The following AGBL4 variants were observed in gnomAD, a reference collection of about 807,000 sequenced individuals.
The protein encoded by AGBL4 is cytosolic carboxypeptidase 6.
Under a neutral mutation model 66.4 loss-of-function variants are expected in AGBL4, and 58 were observed. That is an observed-to-expected ratio of 0.87 (90% CI 0.71 to 1.09). The LOEUF (loss-of-function observed/expected upper bound fraction) is 1.09, where lower values mean the gene tolerates loss of function less well. AGBL4 is among the 50% of genes least tolerant of loss of function. The pLI, the probability that AGBL4 is intolerant of heterozygous loss-of-function variation, is 0.00. For synonymous variants in AGBL4, 234 were observed against 222.9 expected (o/e 1.05, Z -0.44); for missense variants, 579 against 631.0 (o/e 0.92, Z 0.88).
chr1:49,264,950 ACT>A (rs1382108344), intron 3 of AGBL4, among the ~76,000 whole-genome samples: 1 of 152,088 alleles, frequency 6.6e-6, no homozygotes, highest in Non-Finnish European at 1.5e-5. Flanking sequence ...TTTCAATCAC[ACT>A]CAGTGATCTT....
chr1:49,592,263 TA>T (rs554936642), intron 3 of AGBL4, among the ~76,000 whole-genome samples: 3 of 151,842 alleles, frequency 2.0e-5, no homozygotes, highest in Non-Finnish European at 4.4e-5. Flanking sequence ...ACAACTCTAT[TA>T]AAAAATAGGC....
At chr1:49,399,765 A>G (rs1460092784) in intron 3 of AGBL4, among the ~76,000 whole-genome samples, 1 of 152,036 alleles carries the variant, frequency 6.6e-6, no homozygotes, top group Non-Finnish European at 1.5e-5. Flanking sequence ...TCAGATGGGT[A>G]GTTGAAAAAT....
chr1:48,580,582 T>A (rs1644724951), intron 11 of AGBL4, among the ~76,000 whole-genome samples: 1 of 152,200 alleles, frequency 6.6e-6, no homozygotes, highest in Non-Finnish European at 1.5e-5. Context: ...GACTGTTTTG[T>A]GACTAGAATT....
At chr1:49,001,657 G>A (rs576977135) in intron 5 of AGBL4, among the ~76,000 whole-genome samples, 2 of 152,182 alleles carry the variant, frequency 1.3e-5, no homozygotes, top group South Asian at 2.1e-4. Flanking sequence ...TCTCACTGCC[G>A]TGGTGCTTCC....
At chr1:48,540,558 T>TA (rs1382889284) in intron 11 of AGBL4, among the ~76,000 whole-genome samples, 1 of 152,156 alleles carries the variant, frequency 6.6e-6, no homozygotes, top group Admixed American at 6.5e-5. Context: ...CCCTCCAGGA[T>TA]ATTCTTCTCC....
At chr1:48,766,065 A>T (rs1644513874) in intron 6 of AGBL4, among the ~76,000 whole-genome samples, 1 of 152,220 alleles carries the variant, frequency 6.6e-6, no homozygotes, top group Admixed American at 6.5e-5. Flanking sequence ...AATGGTTAAA[A>T]TGGTAAAATT....
At chr1:48,531,030 AT>A (rs895438703), downstream of AGBL4, among the ~76,000 whole-genome samples, 4 of 152,140 alleles carry the variant, frequency 2.6e-5, no homozygotes, top group Admixed American at 2.0e-4. Flanking sequence ...GGTCATAGGT[AT>A]AACCTTGTTC....
At position 48,566,940 on chromosome 1, in the gene AGBL4, G is replaced by A. The variant is rs141356621; in HGVS notation, c.1267+20064C>T. On this transcript the variant is annotated intron_variant, in intron 11 of 13. Coordinates refer to ENST00000371839, the MANE Select transcript of AGBL4 (RefSeq NM_032785.4). ...GGTCAGGAGTTCAAGACCAGCCTGA[G>A]CAACATGGAGATAAACTGTCTCTAC... is the stretch of plus-strand genomic sequence containing the variant. 5.7e-3 allele frequency among the ~76,000 whole-genome samples: 864 copies of A among 152,256 alleles called. 8 individuals carry two copies. The highest frequency in any genetic ancestry group is 7.0e-3 in the Non-Finnish European group (478 of 68,022).
At chr1:49,128,190 G>C (rs952071068) in intron 4 of AGBL4, among the ~76,000 whole-genome samples, 1 of 151,932 alleles carries the variant, frequency 6.6e-6, no homozygotes, top group African/African-American at 2.4e-5. Flanking sequence ...AAATTCACTG[G>C]ATAGAATTAA....
intron 2 of AGBL4, among the ~76,000 whole-genome samples, chr1:49,822,392 G>A (rs1274513305): frequency 6.6e-6 from 1 of 151,748 alleles, no homozygotes; most frequent in Admixed American, 6.6e-5. Context: ...GTAGTGGCGT[G>A]ATCTAGGCTC....
intron 4 of AGBL4, among the ~76,000 whole-genome samples, chr1:49,116,101 T>A (rs1181034479): frequency 6.6e-6 from 1 of 152,206 alleles, no homozygotes; most frequent in East Asian, 1.9e-4. Flanking sequence ...TATCTATGAT[T>A]TTTTAAAAAT....
intron 4 of AGBL4, among the ~76,000 whole-genome samples, chr1:49,166,353 T>A (rs756111824): frequency 6.6e-6 from 1 of 152,172 alleles, no homozygotes; most frequent in Non-Finnish European, 1.5e-5. Flanking sequence ...GTCATGTTAA[T>A]GTTTTGTAGG....
intron 3 of AGBL4, among the ~76,000 whole-genome samples, chr1:49,359,551 T>G (rs10489428): frequency 0.013 from 1,987 of 152,320 alleles, 44 homozygotes; most frequent in African/African-American, 0.045. Flanking sequence ...CTATGCTTGA[T>G]GTTAGAAGTA....
intron 4 of AGBL4, among the ~76,000 whole-genome samples, chr1:49,135,658 G>C (rs1645996197): frequency 6.6e-6 from 1 of 152,200 alleles, no homozygotes; most frequent in South Asian, 2.1e-4. Flanking sequence ...ACTGCAGCAG[G>C]AGCATGTCCT....
intron 1 of AGBL4, among the ~76,000 whole-genome samples, chr1:49,863,834 G>A (rs1646635421): frequency 1.3e-5 from 2 of 152,302 alleles, no homozygotes; most frequent in South Asian, 4.1e-4. Flanking sequence ...TGGTGGGAAT[G>A]TACATTAGTC....
intron 1 of AGBL4, among the ~76,000 whole-genome samples, chr1:49,874,528 T>A (rs926906526): frequency 2.0e-5 from 3 of 152,130 alleles, no homozygotes; most frequent in African/African-American, 4.8e-5. Flanking sequence ...TGTCATAGAA[T>A]TAAGTCTACT....
At chr1:49,581,207 G>T (rs1188264319) in intron 3 of AGBL4, among the ~76,000 whole-genome samples, 1 of 151,916 alleles carries the variant, frequency 6.6e-6, no homozygotes, top group Non-Finnish European at 1.5e-5. Flanking sequence ...TTTTAAAAAA[G>T]ATATATATTT....
chr1:48,788,870 C>T (rs1645471510), intron 6 of AGBL4, among the ~76,000 whole-genome samples: 1 of 152,150 alleles, frequency 6.6e-6, no homozygotes, highest in Admixed American at 6.5e-5. Context: ...CAGTTTCCCC[C>T]ATTTGTGAAA....
intron 3 of AGBL4, among the ~76,000 whole-genome samples, chr1:49,587,138 C>A (rs541730494): frequency 2.6e-5 from 4 of 151,752 alleles, no homozygotes; most frequent in Non-Finnish European, 5.9e-5. Context: ...CCCAGCTACT[C>A]GAGAAGCTGA....
Sources: gnomAD v4.1 joint callset for allele counts (sites outside exome capture counted in the v4.1 genomes callset) on GRCh38, gnomAD v4.1.1 for gene constraint, MANE v1.5 for transcripts, NCBI Gene and HGNC (gene_info 2026-07-23, HGNC 2026-07-21) for gene names.